Variants in GPHN observed in about 807,000 individuals in gnomAD.
GPHN encodes gephyrin.
In GPHN, 17 loss-of-function variants were observed where a neutral mutation model predicts 95.5. That is an observed-to-expected ratio of 0.18 (90% CI 0.12 to 0.27). The LOEUF (loss-of-function observed/expected upper bound fraction) is 0.27, where lower values mean the gene tolerates loss of function less well. Ranked by LOEUF, GPHN falls within the 10% of genes least tolerant of loss-of-function variation. The pLI is 1.00. For synonymous variants in GPHN, 320 were observed against 322.5 expected (o/e 0.99, Z 0.08); for missense variants, 660 against 978.1 (o/e 0.67, Z 4.34).
chr14:66,737,803 G>A lies in GPHN; in HGVS notation c.144-38661G>A, dbSNP rs115779624. Among the ~76,000 whole-genome samples the A allele has an allele frequency of 8.0e-3, 1,215 of 152,256 alleles. 8 individuals are homozygous for A. The highest frequency in any genetic ancestry group is 0.028 in the African/African-American group (1,156 of 41,548). On this transcript the variant is annotated intron_variant, in intron 2 of 22. Transcript: ENST00000478722. ...TGTGCTTAAATAAGTCTTTAAAAAT[G>A]TGTATTATATTCACACTTTTTAGAT...
the GPHN span, among the ~76,000 whole-genome samples, chr14:67,382,243 T>C: frequency 6.6e-6 from 1 of 151,860 alleles, no homozygotes; most frequent in South Asian, 2.1e-4. Flanking sequence ...TAGATCCCTG[T>C]GTTGATTTGC....
chr14:67,157,669 C>A (rs551359397), intron 18 of GPHN, among the ~76,000 whole-genome samples: 1 of 151,752 alleles, frequency 6.6e-6, no homozygotes, highest in Admixed American at 6.6e-5. Flanking sequence ...CCTAAAAATA[C>A]AAAAATTCGC....
intron 9 of GPHN, among the ~76,000 whole-genome samples, chr14:66,970,272 T>G (rs1472078631): frequency 1.3e-5 from 2 of 152,190 alleles, no homozygotes; most frequent in Non-Finnish European, 2.9e-5. Context: ...ATGTAATTAT[T>G]ACTTCTTTGT....
At chr14:67,619,933 A>G in the GPHN span, 1 of 1,364,336 alleles carries the variant, frequency 7.3e-7, no homozygotes, top group Non-Finnish European at 9.8e-7. Context: ...CCCGGCTTCC[A>G]ACCGCGCGGA....
At chr14:66,955,354 A>G (rs1448929515) in intron 8 of GPHN, among the ~76,000 whole-genome samples, 1 of 151,942 alleles carries the variant, frequency 6.6e-6, no homozygotes, top group African/African-American at 2.4e-5. Flanking sequence ...CTAAATATTT[A>G]TCTGTTTTAT....
intron 17 of GPHN, among the ~76,000 whole-genome samples, chr14:67,127,234 C>T (rs2079381239): frequency 6.8e-6 from 1 of 147,152 alleles, no homozygotes; most frequent in African/African-American, 2.6e-5. Flanking sequence ...GCACATGTAC[C>T]CTAAAACTTA....
the GPHN span, among the ~76,000 whole-genome samples, chr14:67,490,005 AT>A: frequency 1.5e-5 from 2 of 131,426 alleles, no homozygotes; most frequent in African/African-American, 2.9e-5. Flanking sequence ...AAAAAAAAAA[AT>A]TCTGTCTATG....
chr14:66,921,588 A>G (rs908384078), intron 6 of GPHN, among the ~76,000 whole-genome samples: 4 of 152,154 alleles, frequency 2.6e-5, no homozygotes, highest in Non-Finnish European at 5.9e-5. Context: ...AACATATCCC[A>G]TGCTCACGGA....
intron 18 of GPHN, among the ~76,000 whole-genome samples, chr14:67,158,213 A>G (rs2081731464): frequency 6.6e-6 from 1 of 150,996 alleles, no homozygotes; most frequent in African/African-American, 2.4e-5. Context: ...AGGCTGAGGC[A>G]GGAGAATTGC....
chr14:66,974,841 G>C (rs1391388825), intron 9 of GPHN, among the ~76,000 whole-genome samples: 1 of 152,122 alleles, frequency 6.6e-6, no homozygotes, highest in Admixed American at 6.5e-5. Flanking sequence ...CAGGCCTGAT[G>C]ATGAATCACT....
chr14:67,129,572 A>C (rs2079555220), intron 17 of GPHN, among the ~76,000 whole-genome samples: 1 of 152,198 alleles, frequency 6.6e-6, no homozygotes, highest in Admixed American at 6.5e-5. Flanking sequence ...ATTTAGCCAT[A>C]GTATATATTT....
At chr14:67,679,446 C>T in the GPHN span, among the ~76,000 whole-genome samples, 1 of 151,548 alleles carries the variant, frequency 6.6e-6, no homozygotes, top group African/African-American at 2.4e-5. Context: ...CTCTGTCGCC[C>T]AGGCTGGAGT....
chr14:67,624,400 A>G, the GPHN span, among the ~76,000 whole-genome samples: 2 of 152,334 alleles, frequency 1.3e-5, no homozygotes, highest in Non-Finnish European at 2.9e-5. Context: ...GAGACTGGGT[A>G]ATTTAAAAAG....
chr14:67,143,173 G>A lies in GPHN; in HGVS notation c.1749-189G>A, dbSNP rs2080593942. 3 of 572,040 alleles carry A rather than the reference G, an allele frequency of 5.2e-6. No individual in the cohort carries two copies. The Admixed American group carries it at 7.4e-5, about 14-fold the overall frequency. 35.4% of individuals were successfully genotyped at this position (572,040 alleles called of 1,614,324 possible). On this transcript the variant is annotated intron_variant, in intron 17 of 22. Transcript: ENST00000478722. ...TAGCCACTACTTCAGCATGTACAAG[G>A]TCCTTTCTCCATAATAAGACTTAAT...
At chr14:67,682,075 A>G in the GPHN span, among the ~76,000 whole-genome samples, 2 of 152,152 alleles carry the variant, frequency 1.3e-5, no homozygotes, top group Non-Finnish European at 2.9e-5. Flanking sequence ...GCCAGGCACC[A>G]TGTTCTTAGA....
chr14:67,060,955 C>G (rs1230776600), intron 11 of GPHN, among the ~76,000 whole-genome samples: 2 of 152,150 alleles, frequency 1.3e-5, no homozygotes, highest in African/African-American at 4.8e-5. Flanking sequence ...CTTATTTTGT[C>G]GACAATACTT....
the GPHN span, chr14:67,562,110 A>G: frequency 1.9e-6 from 3 of 1,611,418 alleles, no homozygotes; most frequent in African/African-American, 4.0e-5. Context: ...GGAGCTCTCA[A>G]TGTGACTGTT....
chr14:67,403,664 G>A, the GPHN span, among the ~76,000 whole-genome samples: 1 of 152,216 alleles, frequency 6.6e-6, no homozygotes, highest in South Asian at 2.1e-4. Context: ...GTACTACGTA[G>A]ACAAGAAATT....
chr14:66,959,459 G>A (rs1051069330), intron 8 of GPHN, among the ~76,000 whole-genome samples: 9 of 151,982 alleles, frequency 5.9e-5, no homozygotes, highest in African/African-American at 1.7e-4. Context: ...AGATTTATGA[G>A]CAATGAACTC....
Sources: allele counts gnomAD v4.1 joint callset (sites outside exome capture counted in the v4.1 genomes callset), GRCh38; gene constraint gnomAD v4.1.1; transcripts MANE v1.5; gene names NCBI Gene and HGNC (gene_info 2026-07-23, HGNC 2026-07-21).